Variants in NUBPL observed in about 807,000 individuals in gnomAD.
NUBPL encodes the protein iron-sulfur cluster transfer protein NUBPL.
NUBPL carries 31 observed loss-of-function variants against 45.7 expected under a neutral mutation model. The ratio of observed to expected loss-of-function variants is 0.68; its 90% CI spans 0.51 to 0.92. The LOEUF is 0.92. NUBPL is among the 40% of genes least tolerant of loss of function. NUBPL has a pLI of 0.00. For synonymous variants in NUBPL, 144 were observed against 140.9 expected, an observed-to-expected ratio of 1.02 and a Z score of -0.15; for missense variants, 401 against 398.7, an observed-to-expected ratio of 1.01 and a Z score of -0.05.
chr14:31,843,395 A>G (rs2040405596), intron 8 of NUBPL, among the ~76,000 whole-genome samples: 1 of 152,242 alleles, frequency 6.6e-6, no homozygotes, highest in Non-Finnish European at 1.5e-5. Flanking sequence ...ACAGCCCAGG[A>G]TTTGTGTTTG....
intron 6 of NUBPL, among the ~76,000 whole-genome samples, chr14:31,687,664 A>G (rs1022509875): frequency 6.6e-6 from 1 of 152,210 alleles, no homozygotes; most frequent in Non-Finnish European, 1.5e-5. Context: ...CATTTCTCCA[A>G]TCAATTATTA....
chr14:31,723,869 T>C (rs1035013731), intron 6 of NUBPL, among the ~76,000 whole-genome samples: 1 of 152,246 alleles, frequency 6.6e-6, no homozygotes, highest in Non-Finnish European at 1.5e-5. Flanking sequence ...TTTCTAGATG[T>C]AGAATCATGT....
chr14:31,639,913 T>C (rs976217841), intron 4 of NUBPL, among the ~76,000 whole-genome samples: 2 of 152,168 alleles, frequency 1.3e-5, no homozygotes, highest in African/African-American at 4.8e-5. Flanking sequence ...AATCTCCTGA[T>C]GCGCCGTTTT....
At position 31,791,644 on chromosome 14, in the gene NUBPL, CATGTATG is replaced by C. The variant is rs758341621; in HGVS notation, c.607+3773_607+3779del. On this transcript the variant is annotated intron_variant, in intron 7 of 10. Coordinates refer to ENST00000281081, the MANE Select transcript of NUBPL (RefSeq NM_025152.3). ...GAGAGAGTGGCTGGTAAGAAAAGGA[CATGTATG>C]ACTGTAATCCACAGTATGAGAAGTG... is the stretch of plus-strand genomic sequence containing the variant. 6.8e-4 allele frequency among the ~76,000 whole-genome samples: 104 copies of C among 152,202 alleles called. 1 individual carries two copies. Among genetic ancestry groups the C allele is most frequent in the Non-Finnish European group, 1.1e-3 (74 of 68,008 alleles).
intron 3 of NUBPL, among the ~76,000 whole-genome samples, chr14:31,592,747 T>A (rs1246870485): frequency 6.6e-6 from 1 of 152,198 alleles, no homozygotes; most frequent in African/African-American, 2.4e-5. Flanking sequence ...TCTATATTTC[T>A]GTTTTTCACA....
chr14:31,717,297 A>T (rs2037711528), intron 6 of NUBPL, among the ~76,000 whole-genome samples: 1 of 151,972 alleles, frequency 6.6e-6, no homozygotes, highest in Non-Finnish European at 1.5e-5. Flanking sequence ...ACTCCATCTT[A>T]TCCTTCATGT....
chr14:31,721,971 G>A (rs776124495), intron 6 of NUBPL, among the ~76,000 whole-genome samples: 6 of 152,016 alleles, frequency 3.9e-5, no homozygotes, highest in Non-Finnish European at 5.9e-5. Flanking sequence ...TGGATGCATA[G>A]TATTCCATGG....
intron 10 of NUBPL, among the ~76,000 whole-genome samples, chr14:31,854,004 A>G (rs1252022323): frequency 6.6e-6 from 1 of 152,238 alleles, no homozygotes; most frequent in Non-Finnish European, 1.5e-5. Context: ...TAAGAATATT[A>G]GCTACAGAAA....
chr14:31,837,733 A>G (rs997998982), intron 8 of NUBPL, among the ~76,000 whole-genome samples: 9 of 152,218 alleles, frequency 5.9e-5, no homozygotes, highest in African/African-American at 1.7e-4. Flanking sequence ...AAAATAGGCA[A>G]GAGACCCGAG....
chr14:31,785,005 CTT>C (rs1455940018), intron 6 of NUBPL, among the ~76,000 whole-genome samples: 1 of 152,058 alleles, frequency 6.6e-6, no homozygotes, highest in African/African-American at 2.4e-5. Flanking sequence ...GAGTTCTTTC[CTT>C]CAGATATTTG....
rs145623248 is a variant in NUBPL at position 31,658,672 on chromosome 14, C to T, written c.383-14683C>T. Among the ~76,000 whole-genome samples, 9 of 152,106 alleles carry T rather than the reference C, an allele frequency of 5.9e-5. 1 individual carries two copies. Among genetic ancestry groups the T allele is most frequent in the South Asian group, 2.1e-4 (1 of 4,816 alleles). On this transcript the variant is annotated intron_variant, in intron 4 of 10. Transcript: ENST00000281081. ...GGACTTCAGGCACGCGCTACCATGC[C>T]GGCTAATCTTTGTATTTTTAGTAGG...
chr14:31,583,949 A>G (rs988443832), intron 3 of NUBPL, among the ~76,000 whole-genome samples: 11 of 152,224 alleles, frequency 7.2e-5, no homozygotes, highest in Non-Finnish European at 2.9e-5. Context: ...TGAAAATAAT[A>G]TGCATATTTT....
intron 4 of NUBPL, among the ~76,000 whole-genome samples, chr14:31,649,453 T>C (rs1215081224): frequency 1.3e-5 from 2 of 152,224 alleles, no homozygotes; most frequent in Non-Finnish European, 2.9e-5. Context: ...AACATGAAGA[T>C]AAAATGTGAA....
chr14:31,584,225 A>G (rs1156556853), intron 3 of NUBPL, among the ~76,000 whole-genome samples: 2 of 152,036 alleles, frequency 1.3e-5, no homozygotes, highest in African/African-American at 2.4e-5. Context: ...CCCGGGCTCA[A>G]GCAATTCTCC....
intron 7 of NUBPL, among the ~76,000 whole-genome samples, chr14:31,807,574 C>G (rs2039714729): frequency 6.6e-6 from 1 of 152,100 alleles, no homozygotes; most frequent in East Asian, 1.9e-4. Context: ...CTGTAGGTTG[C>G]CTGTTCACTC....
chr14:31,820,006 G>T (rs2138943916), intron 7 of NUBPL, among the ~76,000 whole-genome samples: 1 of 152,078 alleles, frequency 6.6e-6, no homozygotes, highest in South Asian at 2.1e-4. Flanking sequence ...TGGGCATGGT[G>T]GCGGGTGCCT....
chr14:31,674,954 G>A (rs1406572593), intron 6 of NUBPL, among the ~76,000 whole-genome samples: 1 of 152,032 alleles, frequency 6.6e-6, no homozygotes, highest in African/African-American at 2.4e-5. Flanking sequence ...GGCTAACACG[G>A]TGAAACCCCA....
intron 7 of NUBPL, among the ~76,000 whole-genome samples, chr14:31,800,090 T>G (rs906731089): frequency 1.7e-4 from 26 of 151,372 alleles, no homozygotes; most frequent in African/African-American, 6.3e-4. Flanking sequence ...AAGGAGCAAT[T>G]CCTTATCTGT....
At chr14:31,834,939 A>C (rs748078451) in intron 8 of NUBPL, among the ~76,000 whole-genome samples, 9 of 152,204 alleles carry the variant, frequency 5.9e-5, no homozygotes, top group Admixed American at 2.0e-4. Flanking sequence ...ATCATGGACT[A>C]TCACAGGGTG....
Sources: allele counts gnomAD v4.1 joint callset (sites outside exome capture counted in the v4.1 genomes callset), GRCh38; gene constraint gnomAD v4.1.1; transcripts MANE v1.5; gene names NCBI Gene and HGNC (gene_info 2026-07-23, HGNC 2026-07-21).